CALN1: variants seen among roughly 807,000 people sequenced by gnomAD.
CALN1 encodes the protein calneuron 1, also known as calcium-binding protein 8.
In CALN1, 17 loss-of-function variants were observed where a neutral mutation model predicts 30.6. That is an observed-to-expected ratio of 0.56 (90% CI 0.38 to 0.83). The LOEUF (loss-of-function observed/expected upper bound fraction) is 0.83. Among genes scored for constraint, CALN1 ranks in the 40% least tolerant of loss-of-function variants. The pLI, the probability that CALN1 is intolerant of heterozygous loss-of-function variation, is 0.00. For synonymous variants in CALN1, 156 were observed against 131.4 expected (o/e 1.19, Z -1.28); for missense variants, 291 against 354.9 (o/e 0.82, Z 1.45).
intron 5 of CALN1, among the ~76,000 whole-genome samples, chr7:71,977,725 A>C (rs1007235379): frequency 6.6e-6 from 1 of 152,074 alleles, no homozygotes; most frequent in African/African-American, 2.4e-5. Flanking sequence ...TGAGGTCAGG[A>C]GTTCAAGACC....
At chr7:72,196,532 G>A (rs1167270085) in intron 3 of CALN1, among the ~76,000 whole-genome samples, 4 of 152,206 alleles carry the variant, frequency 2.6e-5, no homozygotes, top group African/African-American at 7.2e-5. Context: ...TGGGTGAATT[G>A]TATAGTATGT....
intron 5 of CALN1, among the ~76,000 whole-genome samples, chr7:71,958,117 A>AT (rs1797061820): frequency 6.6e-6 from 1 of 150,742 alleles, no homozygotes; most frequent in Non-Finnish European, 1.5e-5. Context: ...AGAAAAAAAA[A>AT]GAAAGTGCAG....
rs550855198 is a variant in CALN1, at chr7:71,801,726, C to T, written c.658+8610G>A. 2.7e-3 allele frequency among the ~76,000 whole-genome samples: 406 copies of T among 152,164 alleles called. 2 individuals are homozygous for T. Among genetic ancestry groups the T allele is most frequent in the South Asian group, 3.1e-3 (15 of 4,820 alleles). On this transcript the variant is annotated intron_variant, in intron 6 of 6. Coordinates refer to ENST00000395275, the MANE Select transcript of CALN1 (RefSeq NM_031468.4). ...GCACAGTGGCTCATGCCTGTAATCC[C>T]AGCACTTTGGGAGGCTGAGGTGGGT...
At chr7:72,096,546 C>A (rs1465087517) in intron 4 of CALN1, among the ~76,000 whole-genome samples, 1 of 151,484 alleles carries the variant, frequency 6.6e-6, no homozygotes, top group Non-Finnish European at 1.5e-5. Flanking sequence ...ATGGCTCACA[C>A]CTGTAATCCC....
intron 2 of CALN1, among the ~76,000 whole-genome samples, chr7:72,393,886 A>G (rs1457135590): frequency 2.6e-5 from 4 of 152,202 alleles, no homozygotes; most frequent in Non-Finnish European, 1.5e-5. Context: ...AGTAGCTAGG[A>G]TTACAGGCAT....
the CALN1 span, among the ~76,000 whole-genome samples, chr7:72,487,926 GAAGGAAGGAAGGAAGGAAGGAAGGAAGGA>G: frequency 0.11 from 10,231 of 91,404 alleles, 675 homozygotes; most frequent in Middle Eastern, 0.15. Context: ...AAGAAGGAAG[GAAGGAAGGAAGGAAGGAAGGAAGGAAGGA>G]AAGGAAGGAA....
intron 3 of CALN1, among the ~76,000 whole-genome samples, chr7:72,137,904 T>G (rs969500415): frequency 3.9e-5 from 6 of 152,122 alleles, no homozygotes; most frequent in African/African-American, 1.4e-4. Context: ...AGAGAGAGAA[T>G]GATACGGAAA....
At chr7:71,920,921 C>T (rs983798952) in intron 5 of CALN1, among the ~76,000 whole-genome samples, 8 of 152,144 alleles carry the variant, frequency 5.3e-5, no homozygotes, top group Admixed American at 6.6e-5. Context: ...TTTATTGTGG[C>T]ACTGTTCACA....
chr7:72,286,115 C>T (rs1189605859), intron 2 of CALN1, among the ~76,000 whole-genome samples: 4 of 152,104 alleles, frequency 2.6e-5, no homozygotes, highest in African/African-American at 7.2e-5. Context: ...AAGTCAGAGA[C>T]GGAATAACAG....
At chr7:71,855,171 T>C (rs529010229) in intron 5 of CALN1, among the ~76,000 whole-genome samples, 6 of 152,194 alleles carry the variant, frequency 3.9e-5, no homozygotes, top group Non-Finnish European at 7.3e-5. Context: ...AAAATAAATA[T>C]GCATTCTAGC....
At chr7:72,150,618 G>C (rs1295256144) in intron 3 of CALN1, among the ~76,000 whole-genome samples, 2 of 152,222 alleles carry the variant, frequency 1.3e-5, no homozygotes, top group African/African-American at 2.4e-5. Flanking sequence ...AAGATCTTGA[G>C]AGGGTGAGCT....
chr7:72,416,295 AGCACT>A (rs1292336521), upstream of CALN1, among the ~76,000 whole-genome samples: 1 of 152,248 alleles, frequency 6.6e-6, no homozygotes, highest in African/African-American at 2.4e-5. Flanking sequence ...ATATGACTGC[AGCACT>A]GCCCCTGAGC....
At chr7:72,293,824 C>T (rs999698108) in intron 2 of CALN1, among the ~76,000 whole-genome samples, 5 of 152,106 alleles carry the variant, frequency 3.3e-5, no homozygotes, top group South Asian at 4.2e-4. Flanking sequence ...CGGCCAGGCA[C>T]GGTGGCTCAC....
chr7:72,086,182 A>C (rs1266620230), intron 4 of CALN1, among the ~76,000 whole-genome samples: 1 of 152,196 alleles, frequency 6.6e-6, no homozygotes, highest in Non-Finnish European at 1.5e-5. Context: ...AAAGAAAATG[A>C]TCACTTGTGT....
chr7:72,051,174 TGA>T (rs1414607085), intron 4 of CALN1, among the ~76,000 whole-genome samples: 1 of 151,904 alleles, frequency 6.6e-6, no homozygotes, highest in African/African-American at 2.4e-5. Context: ...CAAATAGATA[TGA>T]TATGCATTGT....
rs1481158204 is a variant in CALN1 at position 72,172,498 on chromosome 7, A to G, written c.245-66204T>C. On this transcript the variant is annotated intron_variant, in intron 3 of 6. Transcript: ENST00000395275. ...GATAAGAAAAGAAAACTCCAGACCAATAACTCTAGTGAACAAAGATGCCGA... is the reference window on the plus strand; with the variant it reads ...GATAAGAAAAGAAAACTCCAGACCAGTAACTCTAGTGAACAAAGATGCCGA... Among the ~76,000 whole-genome samples, 4 of 152,244 alleles carry G rather than the reference A, an allele frequency of 2.6e-5. No homozygotes were observed. The South Asian group carries it at 6.2e-4, about 24-fold the overall frequency.
intron 5 of CALN1, among the ~76,000 whole-genome samples, chr7:71,991,295 C>A (rs1798938511): frequency 6.6e-6 from 1 of 152,050 alleles, no homozygotes; most frequent in South Asian, 2.1e-4. Context: ...CCCGTCTCTA[C>A]TAAAAATACA....
chr7:72,500,269 CTTTT>C, the CALN1 span, among the ~76,000 whole-genome samples: 18 of 51,390 alleles, frequency 3.5e-4, no homozygotes, highest in Admixed American at 6.1e-4. Flanking sequence ...TTCGTTCCTT[CTTTT>C]TTTTTTTTTT....
chr7:72,354,746 G>A (rs540099223), intron 2 of CALN1, among the ~76,000 whole-genome samples: 1 of 152,128 alleles, frequency 6.6e-6, no homozygotes, highest in East Asian at 1.9e-4. Context: ...ATATTCATGT[G>A]GAAATAAATG....
Sources: gnomAD v4.1 joint callset for allele counts (sites outside exome capture counted in the v4.1 genomes callset) on GRCh38, gnomAD v4.1.1 for gene constraint, MANE v1.5 for transcripts, NCBI Gene and HGNC (gene_info 2026-07-23, HGNC 2026-07-21) for gene names.